CDH10: variants seen among roughly 807,000 people sequenced by gnomAD.
CDH10 encodes cadherin 10.
A neutral mutation model predicts 73.1 loss-of-function variants in CDH10; 30 were observed. The observed-to-expected ratio is 0.41, with a 90% CI of 0.31 to 0.56. CDH10 has a LOEUF of 0.56. CDH10 is among the 20% of genes least tolerant of loss of function. The pLI, the probability that CDH10 is intolerant of heterozygous loss-of-function variation, is 0.27. For missense variants in CDH10, 815 were observed against 973.7 expected (o/e 0.84, Z 2.17); for synonymous variants, 345 against 348.2 (o/e 0.99, Z 0.10).
At chr5:24,489,172 A>T (rs1350614624) in intron 11 of CDH10, among the ~76,000 whole-genome samples, 1 of 152,106 alleles carries the variant, frequency 6.6e-6, no homozygotes, top group Admixed American at 6.6e-5. Flanking sequence ...AGAAATATTG[A>T]TACAAGTATT....
chr5:24,549,726 GT>G (rs1480962190), intron 2 of CDH10, among the ~76,000 whole-genome samples: 1 of 151,524 alleles, frequency 6.6e-6, no homozygotes, highest in Middle Eastern at 3.2e-3. Flanking sequence ...TAATTTTTGT[GT>G]TTTTAGTAGA....
chr5:24,621,718 A>G (rs1876123), intron 1 of CDH10, among the ~76,000 whole-genome samples: 4,322 of 152,326 alleles, frequency 0.028, 220 homozygotes, highest in African/African-American at 0.098. Context: ...TCTCATCTAT[A>G]TAGATAGATG....
At chr5:24,613,454 C>T (rs1449574297) in intron 1 of CDH10, among the ~76,000 whole-genome samples, 1 of 144,926 alleles carries the variant, frequency 6.9e-6, no homozygotes, top group Non-Finnish European at 1.5e-5. Context: ...ATAGTTTTCA[C>T]ATTTTCCTTC....
chr5:24,573,577 T>G (rs930126204), intron 2 of CDH10, among the ~76,000 whole-genome samples: 3 of 151,262 alleles, frequency 2.0e-5, no homozygotes, highest in African/African-American at 4.9e-5. Flanking sequence ...GGCGGGCACC[T>G]GTAGTCCCAG....
intron 2 of CDH10, among the ~76,000 whole-genome samples, chr5:24,590,924 T>C (rs1272970530): frequency 6.6e-6 from 1 of 152,068 alleles, no homozygotes; most frequent in Non-Finnish European, 1.5e-5. Context: ...CTTATCACCA[T>C]ATCACATGTC....
chr5:24,556,590 C>T (rs1744777898), intron 2 of CDH10, among the ~76,000 whole-genome samples: 1 of 151,716 alleles, frequency 6.6e-6, no homozygotes, highest in South Asian at 2.1e-4. Context: ...TAATGAGCTC[C>T]ATCCTTACTA....
At chr5:24,501,223 A>T (rs548510534) in intron 8 of CDH10, among the ~76,000 whole-genome samples, 67 of 152,312 alleles carry the variant, frequency 4.4e-4, no homozygotes, top group Non-Finnish European at 7.6e-4. Context: ...AGGAGAGACA[A>T]AACTTTCATA....
At chr5:24,497,214 G>A (rs987146456) in intron 9 of CDH10, among the ~76,000 whole-genome samples, 10 of 152,020 alleles carry the variant, frequency 6.6e-5, no homozygotes, top group Non-Finnish European at 8.8e-5. Flanking sequence ...ATAATGACTT[G>A]AGTGCTCTGA....
At chr5:24,626,351 G>T (rs1249587796) in intron 1 of CDH10, among the ~76,000 whole-genome samples, 1 of 152,062 alleles carries the variant, frequency 6.6e-6, no homozygotes, top group Non-Finnish European at 1.5e-5. Context: ...GGCAAAAACT[G>T]ATAAAATATA....
chr5:24,535,383 A>G (rs1255699609), intron 4 of CDH10, 104 bp from the exon 5 acceptor site: 1 of 970,562 alleles, frequency 1.0e-6, no homozygotes, highest in African/African-American at 1.7e-5. Context: ...TTTTTGAAAG[A>G]TACGTTTTGA....
rs180933111 is a variant in CDH10 at position 24,514,128 on chromosome 5, A to G, written c.815-2614T>C. Among the ~76,000 whole-genome samples, 3 of 152,310 alleles carry G rather than the reference A, an allele frequency of 2.0e-5. No homozygotes were observed. The East Asian group carries it at 5.8e-4, about 29-fold the overall frequency. ...ATTTGTGTATTGTACATTGTATAGA[A>G]GCTTCCTACCTAGTCTACTAGCTCC... On this transcript the variant is annotated intron_variant, in intron 5 of 11. Coordinates refer to ENST00000264463, the MANE Select transcript of CDH10 (RefSeq NM_006727.5).
chr5:24,543,033 A>C (rs1561151993), intron 2 of CDH10, among the ~76,000 whole-genome samples: 1 of 152,228 alleles, frequency 6.6e-6, no homozygotes, highest in Non-Finnish European at 1.5e-5. Context: ...AAATGAAGAA[A>C]TATTACCAAA....
intron 5 of CDH10, among the ~76,000 whole-genome samples, chr5:24,528,534 CATTTCCTTG>C (rs1227686108): frequency 6.6e-6 from 1 of 151,912 alleles, no homozygotes; most frequent in East Asian, 1.9e-4. Flanking sequence ...ATCATATAGA[CATTTCCTTG>C]AAAGACCTTG....
intron 1 of CDH10, among the ~76,000 whole-genome samples, chr5:24,631,079 T>A (rs1747689976): frequency 6.6e-6 from 1 of 152,082 alleles, no homozygotes; most frequent in Admixed American, 6.6e-5. Context: ...TGAGAGCAAT[T>A]TACCACTATG....
chr5:24,503,012 GA>G (rs1351229078), intron 8 of CDH10, among the ~76,000 whole-genome samples: 2 of 152,060 alleles, frequency 1.3e-5, no homozygotes, highest in African/African-American at 4.8e-5. Flanking sequence ...ATCTCACTAT[GA>G]AAAAAATGGA....
At chr5:24,488,706 A>G (rs1282445653) in intron 11 of CDH10, among the ~76,000 whole-genome samples, 2 of 152,054 alleles carry the variant, frequency 1.3e-5, no homozygotes, top group African/African-American at 4.8e-5. Flanking sequence ...GAATGCTGTA[A>G]TTATTGGAAA....
At chr5:24,642,786 G>C (rs1748095396) in intron 1 of CDH10, among the ~76,000 whole-genome samples, 1 of 151,924 alleles carries the variant, frequency 6.6e-6, no homozygotes, top group Non-Finnish European at 1.5e-5. Context: ...CCATTTCCCA[G>C]AGATTTTGGT....
In CDH10 at chr5:24,507,396, G is replaced by A. The variant is rs1214947016; in HGVS notation, c.1257-2148C>T. Among the ~76,000 whole-genome samples the A allele has an allele frequency of 3.5e-5, 5 of 140,922 alleles. 1 individual carries two copies. The South Asian group carries it at 1.0e-3, about 30-fold the overall frequency. 92.5% of individuals were successfully genotyped at this position (140,922 alleles called of 152,430 possible). On this transcript the variant is annotated intron_variant, in intron 7 of 11. Transcript: ENST00000264463. ...TATTATAATATACATATACATAATA[G>A]GAATATAATATGTATAATAATATAC...
Position 24,498,386 on chromosome 5 carries a change from G to A in CDH10, c.1515+12C>T, listed in dbSNP as rs758481430. The A allele has an allele frequency of 2.5e-6, 4 of 1,583,806 alleles. No homozygotes were observed. Among genetic ancestry groups the A allele is most frequent in the East Asian group, 2.2e-5 (1 of 44,668 alleles). On this transcript the variant is annotated intron_variant, in intron 9 of 11. Coordinates refer to ENST00000264463, the MANE Select transcript of CDH10 (RefSeq NM_006727.5). ...AAAATCTTTCCAGAGTTTTAATCCTGTAGGGGCTTACCTGCCCTGGTCTGG... is the reference window on the plus strand; with the variant it reads ...AAAATCTTTCCAGAGTTTTAATCCTATAGGGGCTTACCTGCCCTGGTCTGG...
Sources: gnomAD v4.1 joint callset for allele counts (sites outside exome capture counted in the v4.1 genomes callset) on GRCh38, gnomAD v4.1.1 for gene constraint, MANE v1.5 for transcripts, NCBI Gene and HGNC (gene_info 2026-07-23, HGNC 2026-07-21) for gene names.